The following BAZ2B variants were observed in gnomAD, a reference collection of about 807,000 sequenced individuals.
The protein encoded by BAZ2B is bromodomain adjacent to zinc finger domain protein 2B.
BAZ2B carries 91 observed loss-of-function variants against 246.0 expected under a neutral mutation model. The ratio of observed to expected loss-of-function variants is 0.37; its 90% confidence interval spans 0.31 to 0.44. BAZ2B has a LOEUF of 0.44. BAZ2B is among the 20% of genes least tolerant of loss of function. BAZ2B has a pLI of 1.00. For missense variants in BAZ2B, 2,332 were observed against 2,533.7 expected, an observed-to-expected ratio of 0.92 and a Z score of 1.71; for synonymous variants, 855 against 860.0, an observed-to-expected ratio of 0.99 and a Z score of 0.10.
At chr2:159,332,484 A>C in intron 34 of BAZ2B, 56 bp downstream of exon 34, 1 of 1,518,202 alleles carries the variant, frequency 6.6e-7, no homozygotes, top group Middle Eastern at 1.9e-4. Flanking sequence ...CCATGTATTA[A>C]AAAAATAATA....
At chr2:159,574,238 C>A (rs1473041682) in intron 1 of BAZ2B, among the ~76,000 whole-genome samples, 1 of 151,278 alleles carries the variant, frequency 6.6e-6, no homozygotes, top group African/African-American at 2.4e-5. Context: ...ACACAAATGG[C>A]CAATAAGCAT....
chr2:159,642,238 C>CTT, the BAZ2B span, among the ~76,000 whole-genome samples: 5,434 of 131,684 alleles, frequency 0.041, 182 homozygotes, highest in South Asian at 0.092. Context: ...TTCTTTCTTT[C>CTT]TTTTTTTTTT....
At chr2:159,700,763 T>C in the BAZ2B span, among the ~76,000 whole-genome samples, 6 of 152,282 alleles carry the variant, frequency 3.9e-5, no homozygotes, top group East Asian at 1.9e-4. Flanking sequence ...TTGTTTCTTA[T>C]TGTTTTTTTT....
At chr2:159,687,266 T>C in the BAZ2B span, among the ~76,000 whole-genome samples, 1 of 152,108 alleles carries the variant, frequency 6.6e-6, no homozygotes, top group East Asian at 1.9e-4. Context: ...TTGCTATTCA[T>C]AGCAAGCTCC....
Position 159,462,707 on chromosome 2 carries a change from G to C in BAZ2B, c.146-8906C>G, listed in dbSNP as rs1577323474. The stretch of plus-strand genomic sequence containing the variant: ...CACTCCAACCACCTGGGCTGTAGGT[G>C]GTGTGATGGTAAACTTCCACTCTGA... On this transcript the variant is annotated intron_variant, in intron 3 of 36. Transcript: ENST00000392783. 18 of 1,378,374 alleles carry C rather than the reference G, an allele frequency of 1.3e-5. No individual in the cohort carries two copies. The East Asian group carries it at 4.1e-4, about 32-fold the overall frequency. 85.4% of individuals were successfully genotyped at this position (1,378,374 alleles called of 1,614,324 possible).
chr2:159,596,743 G>A (rs1273010448), intron 1 of BAZ2B, among the ~76,000 whole-genome samples: 2 of 152,052 alleles, frequency 1.3e-5, no homozygotes, highest in Admixed American at 6.5e-5. Context: ...TTGCATCCTC[G>A]TATCATAACT....
chr2:159,350,399 T>C (rs748827006), intron 27 of BAZ2B, 42 bp from the exon 28 acceptor site: 1 of 1,410,614 alleles, frequency 7.1e-7, no homozygotes, highest in South Asian at 1.5e-5. Context: ...TTACTCCAGA[T>C]CAAACCAATA....
At chr2:159,625,479 T>C in the BAZ2B span, among the ~76,000 whole-genome samples, 2 of 152,164 alleles carry the variant, frequency 1.3e-5, no homozygotes, top group Non-Finnish European at 2.9e-5. Flanking sequence ...AGTGGATCTC[T>C]CTGCAGAAAC....
chr2:159,348,537 T>C, intron 30 of BAZ2B, 141 bp downstream of exon 30: 3 of 991,024 alleles, frequency 3.0e-6, no homozygotes, highest in Admixed American at 3.3e-5. Flanking sequence ...TCTTTGACTG[T>C]TTGATCTGCG....
chr2:159,581,547 T>C (rs1200752691), intron 1 of BAZ2B, among the ~76,000 whole-genome samples: 1 of 152,170 alleles, frequency 6.6e-6, no homozygotes, highest in Non-Finnish European at 1.5e-5. Flanking sequence ...AGAAATACCA[T>C]TTGACCCAGC....
chr2:159,337,344 A>G (rs1402791573), intron 32 of BAZ2B: 2 of 1,225,644 alleles, frequency 1.6e-6, no homozygotes, highest in South Asian at 1.6e-5. Flanking sequence ...CCATGCAAAT[A>G]GCATGATCCG....
chr2:159,712,419 C>G, the BAZ2B span: 4 of 153,072 alleles, frequency 2.6e-5, no homozygotes, highest in African/African-American at 7.2e-5. Context: ...CTCTCGGTCC[C>G]CGCCGCGCCG....
chr2:159,448,430 C>T, intron 4 of BAZ2B, 21 bp from the exon 5 acceptor site: 1 of 1,519,030 alleles, frequency 6.6e-7, no homozygotes, highest in South Asian at 1.3e-5. Flanking sequence ...AACAAACCAA[C>T]CAAACAAAAA....
chr2:159,343,891 T>G (rs2067220841), intron 31 of BAZ2B, among the ~76,000 whole-genome samples: 1 of 150,818 alleles, frequency 6.6e-6, no homozygotes, highest in African/African-American at 2.4e-5. Flanking sequence ...CTGGGTGTGG[T>G]GGTGGGCGCC....
rs1233840258 is a variant in BAZ2B, at chr2:159,337,617, T to G, written c.5610A>C (p.Leu1870=). ...CAGCCAGCCTGGTTACAGCTATATC[T>G]AGGGGGTTGTCACTCTTCCGTTCTA... ...HALERKSDNP[L]DIAVTRLADL... The change falls in exon 32 of 37, where the codon CTA becomes CTC. Residue 1870 remains leucine, a synonymous_variant. Coordinates refer to ENST00000392783, the MANE Select transcript of BAZ2B (RefSeq NM_013450.4). The G allele has an allele frequency of 1.2e-6, 2 of 1,614,106 alleles. No homozygotes were observed. Among genetic ancestry groups the G allele is most frequent in the Non-Finnish European group, 1.7e-6 (2 of 1,180,024 alleles).
At chr2:159,374,836 T>G in intron 25 of BAZ2B, 83 bp from the exon 26 acceptor site, 1 of 1,224,400 alleles carries the variant, frequency 8.2e-7, no homozygotes, top group Non-Finnish European at 1.2e-6. Flanking sequence ...AAGTCTCCTA[T>G]AGGCACTGCG....
chr2:159,364,500 C>T (rs2060022104), intron 27 of BAZ2B, among the ~76,000 whole-genome samples: 1 of 152,132 alleles, frequency 6.6e-6, no homozygotes. Context: ...TTAATTGATT[C>T]TGCCACCTTA....
chr2:159,497,651 C>T (rs1559619306), intron 2 of BAZ2B, among the ~76,000 whole-genome samples: 1 of 152,020 alleles, frequency 6.6e-6, no homozygotes, highest in Non-Finnish European at 1.5e-5. Context: ...ATTAAGAGAT[C>T]CTTAAGGCTG....
At chr2:159,653,967 A>C in the BAZ2B span, among the ~76,000 whole-genome samples, 2 of 152,204 alleles carry the variant, frequency 1.3e-5, no homozygotes, top group Non-Finnish European at 2.9e-5. Flanking sequence ...TGGAATATAA[A>C]AAAGCATTAA....
Sources: allele counts gnomAD v4.1 joint callset (sites outside exome capture counted in the v4.1 genomes callset), GRCh38; gene constraint gnomAD v4.1.1; transcripts MANE v1.5; gene names NCBI Gene and HGNC (gene_info 2026-07-23, HGNC 2026-07-21).